The following MOB3B variants were observed in gnomAD, a reference collection of about 807,000 sequenced individuals.
MOB3B encodes MOB kinase activator-like 2B.
Under a neutral mutation model 18.7 loss-of-function variants are expected in MOB3B, and 7 were observed. The ratio of observed to expected loss-of-function variants is 0.37; its 90% CI spans 0.21 to 0.70. The LOEUF is 0.70. MOB3B is among the 30% of genes least tolerant of loss of function. The pLI, the probability that MOB3B is intolerant of heterozygous loss-of-function variation, is 0.52. For missense variants in MOB3B, 253 were observed against 281.3 expected (o/e 0.90, Z 0.72); for synonymous variants, 111 against 99.9 (o/e 1.11, Z -0.66).
chr9:27,495,553 G>T (rs1819886093), intron 1 of MOB3B, among the ~76,000 whole-genome samples: 1 of 152,018 alleles, frequency 6.6e-6, no homozygotes, highest in South Asian at 2.1e-4. Context: ...CATCCTGATG[G>T]CCCCAAGGGA....
At chr9:27,442,310 AT>A (rs1822606548) in intron 2 of MOB3B, among the ~76,000 whole-genome samples, 2 of 152,252 alleles carry the variant, frequency 1.3e-5, no homozygotes, top group Non-Finnish European at 2.9e-5. Flanking sequence ...CATCTGTCTT[AT>A]TTAAATCTTA....
At chr9:27,357,374 C>T (rs998442308) in intron 3 of MOB3B, among the ~76,000 whole-genome samples, 1 of 151,334 alleles carries the variant, frequency 6.6e-6, no homozygotes, top group African/African-American at 2.4e-5. Context: ...TGATGGTAAA[C>T]AATTTGCGCT....
chr9:27,513,668 C>G (rs1184002147), intron 1 of MOB3B, among the ~76,000 whole-genome samples: 1 of 152,198 alleles, frequency 6.6e-6, no homozygotes. Context: ...GCTTTGTACA[C>G]AGTTGACTGC....
chr9:27,469,336 T>G (rs1448065636), intron 1 of MOB3B, among the ~76,000 whole-genome samples: 2 of 152,176 alleles, frequency 1.3e-5, no homozygotes, highest in Non-Finnish European at 2.9e-5. Context: ...ACTCAACTTC[T>G]GTGACTTTGG....
chr9:27,364,159 C>T (rs1339364509), intron 2 of MOB3B, among the ~76,000 whole-genome samples: 1 of 152,188 alleles, frequency 6.6e-6, no homozygotes, highest in Non-Finnish European at 1.5e-5. Context: ...TGGATCACCT[C>T]GAACGGACAC....
Position 27,455,492 on chromosome 9 carries a change from T to C in MOB3B, c.59A>G (p.Lys20Arg), listed in dbSNP as rs149640116. The change falls in exon 2 of 4, where the codon AAA (lysine) becomes AGA (arginine). Residue 20 changes from lysine (K) to arginine (R), a missense_variant. By Grantham distance (26) the Lys-to-Arg change is conservative (BLOSUM62 2). Coordinates refer to ENST00000262244, the MANE Select transcript of MOB3B (RefSeq NM_024761.5). Reference protein sequence around the residue: ...NKDKTFRPKRKFEPGTQRFEL... With the variant: ...NKDKTFRPKRRFEPGTQRFEL... ...AAACCTCTGTGTGCCAGGTTCAAAT[T>C]TCCTCTTGGGTCGGAAGGTCTTGTC... The C allele has an allele frequency of 9.6e-5, 155 of 1,614,184 alleles. 2 individuals carry two copies. The African/African-American group carries it at 2.0e-3, about 21-fold the overall frequency.
At chr9:27,407,851 T>C (rs1309553854) in intron 2 of MOB3B, among the ~76,000 whole-genome samples, 2 of 152,138 alleles carry the variant, frequency 1.3e-5, no homozygotes, top group East Asian at 1.9e-4. Flanking sequence ...CCTCTCGATT[T>C]CTTTCCTTCA....
At chr9:27,348,613 A>T (rs754494694) in intron 3 of MOB3B, among the ~76,000 whole-genome samples, 3 of 152,034 alleles carry the variant, frequency 2.0e-5, no homozygotes, top group Admixed American at 1.3e-4. Flanking sequence ...AGATCATGCC[A>T]CTGCACTCCA....
chr9:27,508,491 CA>C (rs1176176911), intron 1 of MOB3B, among the ~76,000 whole-genome samples: 8 of 151,980 alleles, frequency 5.3e-5, no homozygotes, highest in African/African-American at 9.7e-5. Flanking sequence ...GAAGCACTTC[CA>C]GAAAAAATAA....
intron 2 of MOB3B, among the ~76,000 whole-genome samples, chr9:27,431,244 G>T (rs947359360): frequency 6.6e-6 from 1 of 152,158 alleles, no homozygotes; most frequent in Non-Finnish European, 1.5e-5. Context: ...AGAAACAAAA[G>T]TTAAACAAAC....
At chr9:27,397,415 A>G (rs1211025593) in intron 2 of MOB3B, 1 of 152,216 alleles carries the variant, frequency 6.6e-6, no homozygotes, top group Non-Finnish European at 1.5e-5. Flanking sequence ...ACAACTCTCA[A>G]ATAAATGCAA....
At chr9:27,452,162 T>A (rs1822799515) in intron 2 of MOB3B, among the ~76,000 whole-genome samples, 1 of 152,158 alleles carries the variant, frequency 6.6e-6, no homozygotes, top group African/African-American at 2.4e-5. Context: ...GTGCTGGGCC[T>A]TTATAAAGAT....
At chr9:27,406,080 T>C (rs10812585) in intron 2 of MOB3B, among the ~76,000 whole-genome samples, 44,431 of 152,078 alleles carry the variant, frequency 0.29, 7,869 homozygotes, top group East Asian at 0.79. Flanking sequence ...CCAGAACAAT[T>C]AGACAAGGGA....
intron 1 of MOB3B, among the ~76,000 whole-genome samples, chr9:27,522,876 T>A (rs554629251): frequency 7.0e-4 from 106 of 152,012 alleles, no homozygotes; most frequent in Non-Finnish European, 1.4e-3. Context: ...AATCTGCCCA[T>A]GAAATAAGAA....
intron 3 of MOB3B, among the ~76,000 whole-genome samples, chr9:27,337,446 A>G (rs190532766): frequency 1.3e-5 from 2 of 152,168 alleles, no homozygotes; most frequent in Non-Finnish European, 2.9e-5. Context: ...GTCTATGCCA[A>G]GGTTTCACGG....
intron 2 of MOB3B, among the ~76,000 whole-genome samples, chr9:27,379,475 C>T (rs1460356357): frequency 6.6e-6 from 1 of 152,132 alleles, no homozygotes; most frequent in Non-Finnish European, 1.5e-5. Context: ...ACCACAACCA[C>T]AGGAGGCAGG....
intron 1 of MOB3B, among the ~76,000 whole-genome samples, chr9:27,518,229 T>G (rs1012437541): frequency 6.6e-6 from 1 of 151,852 alleles, no homozygotes; most frequent in Non-Finnish European, 1.5e-5. Context: ...TTTAAAATGT[T>G]TACCCAAGAC....
At chr9:27,507,346 T>C (rs1820075677) in intron 1 of MOB3B, among the ~76,000 whole-genome samples, 1 of 152,206 alleles carries the variant, frequency 6.6e-6, no homozygotes, top group Non-Finnish European at 1.5e-5. Flanking sequence ...ATAGAGCACT[T>C]ACTTGTCAGC....
At chr9:27,454,041 AG>A (rs1277407577) in intron 2 of MOB3B, among the ~76,000 whole-genome samples, 2 of 152,182 alleles carry the variant, frequency 1.3e-5, no homozygotes, top group African/African-American at 2.4e-5. Flanking sequence ...GACAAGCCAA[AG>A]CAACACCAAG....
Sources: gnomAD v4.1 joint callset for allele counts (sites outside exome capture counted in the v4.1 genomes callset) on GRCh38, gnomAD v4.1.1 for gene constraint, MANE v1.5 for transcripts, NCBI Gene and HGNC (gene_info 2026-07-23, HGNC 2026-07-21) for gene names.